PLD1: variants seen among roughly 807,000 people sequenced by gnomAD.
PLD1 encodes phospholipase D1, also known as choline phosphatase 1.
PLD1 carries 112 observed loss-of-function variants against 137.1 expected under a neutral mutation model. The ratio of observed to expected loss-of-function variants is 0.82; its 90% CI spans 0.70 to 0.96. The LOEUF is 0.96. Among genes scored for constraint, PLD1 ranks in the 40% least tolerant of loss-of-function variants. PLD1 has a pLI of 0.00. For synonymous variants in PLD1, 431 were observed against 454.7 expected (o/e 0.95, Z 0.66); for missense variants, 1,321 against 1,342.0 (o/e 0.98, Z 0.24).
chr3:171,697,368 C>G (rs1410241520), intron 12 of PLD1, among the ~76,000 whole-genome samples: 1 of 151,814 alleles, frequency 6.6e-6, no homozygotes, highest in East Asian at 1.9e-4. Context: ...CCTCAGCCTC[C>G]CGGGTAGCTG....
At chr3:171,704,312 T>C (rs137982108) in intron 11 of PLD1, among the ~76,000 whole-genome samples, 1 of 152,318 alleles carries the variant, frequency 6.6e-6, no homozygotes, top group East Asian at 1.9e-4. Flanking sequence ...GTTGGAACTT[T>C]AAGCCTGAAC....
intron 1 of PLD1, chr3:171,765,634 G>C (rs1221536409): frequency 1.3e-5 from 2 of 152,182 alleles, no homozygotes; most frequent in African/African-American, 4.8e-5. Context: ...TTGTAGACTT[G>C]AGGACTCAAT....
intron 11 of PLD1, among the ~76,000 whole-genome samples, chr3:171,703,202 A>T (rs1716391555): frequency 6.6e-6 from 1 of 152,216 alleles, no homozygotes; most frequent in Non-Finnish European, 1.5e-5. Flanking sequence ...CCGTAGTGTA[A>T]TAAAGGGTAC....
chr3:171,734,349 C>T (rs1028911599), intron 5 of PLD1, among the ~76,000 whole-genome samples: 1 of 152,184 alleles, frequency 6.6e-6, no homozygotes, highest in Non-Finnish European at 1.5e-5. Flanking sequence ...CACTCTGCAG[C>T]ACCCATCTTG....
Position 171,734,984 on chromosome 3 carries a change from A to G in PLD1, c.435-14T>C. On this transcript the variant is annotated splice_polypyrimidine_tract_variant and intron_variant, in intron 4 of 26. Transcript: ENST00000351298. ...CTAAACGTGTGTCTAAAACACAAACACACAGAATGCAAACACCTACTAGAT... is the reference window on the plus strand; with the variant it reads ...CTAAACGTGTGTCTAAAACACAAACGCACAGAATGCAAACACCTACTAGAT... 6.9e-7 allele frequency: 1 copy of G among 1,448,744 alleles called. No homozygotes were observed. Among genetic ancestry groups the G allele is most frequent in the East Asian group, 2.3e-5 (1 of 44,118 alleles). 89.7% of individuals were successfully genotyped at this position (1,448,744 alleles called of 1,614,324 possible).
At chr3:171,735,684 A>C in intron 3 of PLD1, 47 bp from the exon 4 acceptor site, 3 of 1,137,770 alleles carry the variant, frequency 2.6e-6, no homozygotes, top group Non-Finnish European at 3.9e-6. Flanking sequence ...AACAACAAAA[A>C]TTCCAAAAGC....
intron 1 of PLD1, chr3:171,792,736 C>G (rs190600045): frequency 1.8e-4 from 84 of 456,526 alleles, no homozygotes; most frequent in Non-Finnish European, 3.3e-4. Flanking sequence ...GGGCACATAC[C>G]AGGTTCCAGC....
chr3:171,764,878 A>AG (rs1491270656), intron 1 of PLD1, among the ~76,000 whole-genome samples: 343 of 21,222 alleles, frequency 0.016, 41 homozygotes, highest in African/African-American at 0.039. Context: ...AAAGAAAGAA[A>AG]GAAAGAAAGA....
intron 16 of PLD1, among the ~76,000 whole-genome samples, chr3:171,679,276 A>G (rs1713708548): frequency 6.6e-6 from 1 of 152,260 alleles, no homozygotes; most frequent in South Asian, 2.1e-4. Flanking sequence ...TTCAAAGGCT[A>G]TTAAAGTTTT....
At chr3:171,656,652 A>G (rs1386148178) in intron 21 of PLD1, among the ~76,000 whole-genome samples, 2 of 152,212 alleles carry the variant, frequency 1.3e-5, no homozygotes, top group African/African-American at 4.8e-5. Flanking sequence ...GCTCTCTGTA[A>G]TCTTGCAAAA....
chr3:171,685,644 AT>A (rs1413793334), intron 16 of PLD1, among the ~76,000 whole-genome samples: 1 of 152,242 alleles, frequency 6.6e-6, no homozygotes, highest in East Asian at 1.9e-4. Flanking sequence ...GTCATTTATT[AT>A]GATGATTACT....
rs147571898 is a variant in PLD1, at chr3:171,692,421, T to C, written c.1249A>G (p.Ile417Val). The C allele has an allele frequency of 5.0e-6, 8 of 1,586,384 alleles. No individual in the cohort carries two copies. In the South Asian group the frequency reaches 7.7e-5, roughly 15 times the overall value. The change falls in exon 13 of 27, where the codon ATA becomes GTA. Residue 417 changes from isoleucine to valine, a missense_variant. Physicochemically the swap from Ile to Val is conservative, Grantham distance 29. Coordinates refer to ENST00000351298, the MANE Select transcript of PLD1 (RefSeq NM_002662.5). The part of the protein sequence containing the change: ...RKAQQGVRIF[I>V]MLYKEVELAL... ...AGTTCCACCTCTTTGTAGAGCATTA[T>C]GAAGATCCTCACTCCTTGTTGCTGT...
At chr3:171,724,847 T>G in intron 7 of PLD1, 59 bp from the exon 8 acceptor site, 1 of 942,568 alleles carries the variant, frequency 1.1e-6, no homozygotes, top group Non-Finnish European at 1.7e-6. Flanking sequence ...ACTTAGCTCG[T>G]ACAGCCTCCC....
At chr3:171,752,531 C>A (rs1398418381) in intron 1 of PLD1, among the ~76,000 whole-genome samples, 1 of 152,216 alleles carries the variant, frequency 6.6e-6, no homozygotes, top group Non-Finnish European at 1.5e-5. Context: ...AGTTACATCT[C>A]CATGGCAAAC....
intron 24 of PLD1, among the ~76,000 whole-genome samples, chr3:171,613,003 A>G (rs753553039): frequency 2.0e-5 from 3 of 152,184 alleles, no homozygotes; most frequent in Non-Finnish European, 2.9e-5. Flanking sequence ...CCTGGTCTCT[A>G]CAAAAAGTTT....
intron 23 of PLD1, among the ~76,000 whole-genome samples, chr3:171,630,713 A>G (rs1734581451): frequency 6.8e-6 from 1 of 147,284 alleles, no homozygotes; most frequent in Non-Finnish European, 1.5e-5. Flanking sequence ...TGTCCTTTGT[A>G]GGGACATGGA....
chr3:171,801,518 T>C (rs958969283), intron 1 of PLD1, among the ~76,000 whole-genome samples: 5 of 152,196 alleles, frequency 3.3e-5, no homozygotes, highest in African/African-American at 1.2e-4. Context: ...AACCTCCACC[T>C]CCTAGGTTCA....
Position 171,644,934 on chromosome 3 carries a change from T to C in PLD1, c.2519A>G (p.Gln840Arg). 1 of 1,612,774 alleles carries C rather than the reference T, an allele frequency of 6.2e-7. No homozygotes were observed. Among genetic ancestry groups the C allele is most frequent in the Non-Finnish European group, 8.5e-7 (1 of 1,178,710 alleles). The change falls in exon 22 of 27, where the codon CAG becomes CGG. Residue 840 changes from glutamine to arginine, a missense_variant. Coordinates refer to ENST00000351298, the MANE Select transcript of PLD1 (RefSeq NM_002662.5). ...DISTGGGNAL[Q>R]AIMHFNYRTM... ...CCTGTAGTTGAAGTGCATGATTGCC[T>C]GTAGAGCATTTCCTCCGCCGGTTGA...
At chr3:171,806,400 C>A (rs13092828) in intron 1 of PLD1, among the ~76,000 whole-genome samples, 75,521 of 152,070 alleles carry the variant, frequency 0.5, 19,013 homozygotes, top group Middle Eastern at 0.75. Flanking sequence ...GCATAAGATG[C>A]GATTTGTATG....
Sources: gnomAD v4.1 joint callset for allele counts (sites outside exome capture counted in the v4.1 genomes callset) on GRCh38, gnomAD v4.1.1 for gene constraint, MANE v1.5 for transcripts, NCBI Gene and HGNC (gene_info 2026-07-23, HGNC 2026-07-21) for gene names.